The following IL1RAP variants were observed in gnomAD, a reference collection of about 807,000 sequenced individuals.
IL1RAP encodes the protein interleukin 1 receptor accessory protein.
A neutral mutation model predicts 60.7 loss-of-function variants in IL1RAP; 35 were observed. The observed-to-expected ratio is 0.58, with a 90% CI of 0.44 to 0.76. The LOEUF is 0.76. Ranked by LOEUF, IL1RAP falls within the 30% of genes least tolerant of loss-of-function variation. The pLI is 0.00. For synonymous variants in IL1RAP, 268 were observed against 250.9 expected (o/e 1.07, Z -0.64); for missense variants, 572 against 693.9 (o/e 0.82, Z 1.97).
At chr3:190,594,720 T>A (rs577341093) in intron 3 of IL1RAP, among the ~76,000 whole-genome samples, 1 of 152,352 alleles carries the variant, frequency 6.6e-6, no homozygotes, top group Non-Finnish European at 1.5e-5. Context: ...ATGGGGCATG[T>A]CTAGCAGTCC....
At chr3:190,653,455 C>T (rs1229813526), downstream of IL1RAP, among the ~76,000 whole-genome samples, 2 of 152,086 alleles carry the variant, frequency 1.3e-5, no homozygotes, top group Non-Finnish European at 2.9e-5. Flanking sequence ...AAACCACATT[C>T]GTCTTCCAAG....
intron 9 of IL1RAP, among the ~76,000 whole-genome samples, chr3:190,635,471 A>T (rs1413550336): frequency 6.6e-6 from 1 of 152,122 alleles, no homozygotes; most frequent in Non-Finnish European, 1.5e-5. Context: ...CTTCTTTTCC[A>T]ATATAAGTAT....
chr3:190,646,157 G>A (rs1733998759), intron 11 of IL1RAP, among the ~76,000 whole-genome samples: 1 of 151,338 alleles, frequency 6.6e-6, no homozygotes, highest in Non-Finnish European at 1.5e-5. Context: ...TAGATTTTTC[G>A]GTTTAGGCTA....
chr3:190,580,723 A>C (rs1727923796), intron 3 of IL1RAP, among the ~76,000 whole-genome samples: 1 of 152,210 alleles, frequency 6.6e-6, no homozygotes, highest in African/African-American at 2.4e-5. Context: ...TCTACTCTAC[A>C]GCTTAGTGCC....
chr3:190,558,356 A>C (rs1725603309), intron 2 of IL1RAP, among the ~76,000 whole-genome samples: 1 of 152,176 alleles, frequency 6.6e-6, no homozygotes, highest in Non-Finnish European at 1.5e-5. Context: ...TTTATTAAGA[A>C]ACTGCTGTTT....
chr3:190,566,738 AC>A (rs954823327), intron 3 of IL1RAP, among the ~76,000 whole-genome samples: 2 of 152,196 alleles, frequency 1.3e-5, no homozygotes, highest in African/African-American at 4.8e-5. Flanking sequence ...AGGGAGAGGA[AC>A]AAAAAGGACA....
In IL1RAP at chr3:190,637,720, A is replaced by C. The variant is rs140785888; in HGVS notation, c.1052-6528A>C. Among the ~76,000 whole-genome samples, 76 of 152,262 alleles carry C rather than the reference A, an allele frequency of 5.0e-4. 1 individual carries two copies. The East Asian group carries it at 0.014, about 29-fold the overall frequency. ...ACCTAATATCCTATTAAGATATAGA[A>C]TATTACCATCACCAGAAAGTAACAT... On this transcript the variant is annotated intron_variant, in intron 9 of 11. Coordinates refer to ENST00000447382, the MANE Select transcript of IL1RAP (RefSeq NM_002182.4).
At chr3:190,587,343 C>G (rs1398759491) in intron 3 of IL1RAP, among the ~76,000 whole-genome samples, 1 of 152,172 alleles carries the variant, frequency 6.6e-6, no homozygotes, top group Non-Finnish European at 1.5e-5. Context: ...CATAATAAAG[C>G]TATCTGAAAG....
At position 190,650,626 on chromosome 3, in the gene IL1RAP, A is replaced by G. The variant is rs1437672043; in HGVS notation, c.*1921A>G. 2 of 866,678 alleles carry G rather than the reference A, an allele frequency of 2.3e-6. No individual in the cohort carries two copies. The highest frequency in any genetic ancestry group is 2.8e-6 in the Non-Finnish European group (2 of 721,978). The allele number at this position is 866,678 out of a possible 1,614,324, so 53.7% of individuals were successfully genotyped here. A position where few individuals can be genotyped will look rare whatever the true frequency, so the allele number is the denominator to read the frequency against. On this transcript the variant is annotated 3_prime_UTR_variant, in exon 12 of 12. Coordinates refer to ENST00000447382, the MANE Select transcript of IL1RAP (RefSeq NM_002182.4). Reference sequence around the variant, plus strand: ...TACCCATAATAAATCATTTCCCTCTATAAGTGTTATTGATTATTTTAAATT... The same window carrying G: ...TACCCATAATAAATCATTTCCCTCTGTAAGTGTTATTGATTATTTTAAATT...
chr3:190,543,332 A>G (rs1411172097), intron 1 of IL1RAP, among the ~76,000 whole-genome samples: 1 of 152,136 alleles, frequency 6.6e-6, no homozygotes, highest in Admixed American at 6.6e-5. Context: ...CTCTGTTTAG[A>G]AGAATGTAAT....
At chr3:190,554,087 A>G (rs1413153486) in intron 1 of IL1RAP, among the ~76,000 whole-genome samples, 2 of 140,278 alleles carry the variant, frequency 1.4e-5, no homozygotes, top group Admixed American at 7.2e-5. Flanking sequence ...AAAAAAAAAA[A>G]AGAAATGAGA....
At chr3:190,638,965 G>T (rs931976094) in intron 9 of IL1RAP, among the ~76,000 whole-genome samples, 3 of 151,996 alleles carry the variant, frequency 2.0e-5, no homozygotes, top group Non-Finnish European at 4.4e-5. Context: ...TGCAAACGGG[G>T]CAGTTTTTGT....
intron 9 of IL1RAP, among the ~76,000 whole-genome samples, chr3:190,637,802 T>C (rs535757700): frequency 7.9e-5 from 12 of 152,076 alleles, no homozygotes; most frequent in African/African-American, 2.4e-4. Flanking sequence ...CCCCAAACAA[T>C]ACAACTGTTT....
chr3:190,580,892 G>A (rs117149331), intron 3 of IL1RAP, among the ~76,000 whole-genome samples: 3,119 of 152,316 alleles, frequency 0.02, 91 homozygotes, highest in East Asian at 0.15. Flanking sequence ...GGCATAGATT[G>A]TGATGATGGT....
chr3:190,540,364 C>T (rs1244138831), intron 1 of IL1RAP, among the ~76,000 whole-genome samples: 1 of 151,964 alleles, frequency 6.6e-6, no homozygotes, highest in Admixed American at 6.6e-5. Flanking sequence ...CATTTTGAAG[C>T]TGAAAGCCTC....
intron 5 of IL1RAP, among the ~76,000 whole-genome samples, chr3:190,609,531 C>T (rs1403649589): frequency 6.6e-6 from 1 of 152,132 alleles, no homozygotes; most frequent in African/African-American, 2.4e-5. Context: ...ATTTCAATTC[C>T]TTGATTAATC....
intron 3 of IL1RAP, among the ~76,000 whole-genome samples, chr3:190,591,527 A>G (rs1728940356): frequency 6.6e-6 from 1 of 152,158 alleles, no homozygotes; most frequent in Non-Finnish European, 1.5e-5. Context: ...TCTTACTGGA[A>G]TTCAGGGCTG....
intron 1 of IL1RAP, among the ~76,000 whole-genome samples, chr3:190,538,108 T>C (rs1723621654): frequency 6.6e-6 from 1 of 152,144 alleles, no homozygotes; most frequent in Non-Finnish European, 1.5e-5. Flanking sequence ...ATGCAAGATC[T>C]TCCCCATGAA....
At chr3:190,576,795 T>C (rs1317435857) in intron 3 of IL1RAP, among the ~76,000 whole-genome samples, 1 of 152,230 alleles carries the variant, frequency 6.6e-6, no homozygotes, top group East Asian at 1.9e-4. Context: ...CATCAAGACA[T>C]GCTCAAAAAC....
Sources: gnomAD v4.1 joint callset for allele counts (sites outside exome capture counted in the v4.1 genomes callset) on GRCh38, gnomAD v4.1.1 for gene constraint, MANE v1.5 for transcripts, NCBI Gene and HGNC (gene_info 2026-07-23, HGNC 2026-07-21) for gene names.